The following MCPH1 variants were observed in gnomAD, a reference collection of about 807,000 sequenced individuals.
MCPH1 encodes microcephalin.
In MCPH1, 104 loss-of-function variants were observed where a neutral mutation model predicts 84.5. That is an observed-to-expected ratio of 1.23 (90% confidence interval 1.05 to 1.45). The LOEUF (loss-of-function observed/expected upper bound fraction) is 1.45, where lower values mean the gene tolerates loss of function less well. MCPH1 is among the 40% of genes most tolerant of loss of function. MCPH1 has a pLI of 0.00. For missense variants in MCPH1, 1,498 were observed against 1,005.7 expected (o/e 1.49, Z -6.62); for synonymous variants, 514 against 366.8 (o/e 1.40, Z -4.58).
intron 12 of MCPH1, among the ~76,000 whole-genome samples, chr8:6,550,706 C>T (rs945327167): frequency 4.6e-5 from 7 of 152,146 alleles, no homozygotes; most frequent in African/African-American, 1.7e-4. Flanking sequence ...TTGTAAGAGG[C>T]TCTGAAAGGA....
intron 12 of MCPH1, among the ~76,000 whole-genome samples, chr8:6,592,707 T>C (rs1191371460): frequency 4.0e-5 from 6 of 148,368 alleles, no homozygotes; most frequent in Non-Finnish European, 8.9e-5. Context: ...CAGGCTGAAG[T>C]GCAGTGGCGC....
At chr8:6,457,804 C>A (rs1267103474) in intron 9 of MCPH1, among the ~76,000 whole-genome samples, 3 of 152,132 alleles carry the variant, frequency 2.0e-5, no homozygotes, top group Non-Finnish European at 4.4e-5. Context: ...GCAGGATTTT[C>A]TTCCTAATCC....
intron 13 of MCPH1, among the ~76,000 whole-genome samples, chr8:6,628,354 C>A (rs752651736): frequency 6.6e-6 from 1 of 151,024 alleles, no homozygotes; most frequent in African/African-American, 2.4e-5. Flanking sequence ...GCCTGTAGTC[C>A]CAGCTACTCA....
At chr8:6,487,426 G>T (rs1001852658) in intron 11 of MCPH1, among the ~76,000 whole-genome samples, 1 of 152,134 alleles carries the variant, frequency 6.6e-6, no homozygotes, top group Non-Finnish European at 1.5e-5. Context: ...ATGCTGAGCC[G>T]CTCTCCTAAA....
intron 13 of MCPH1, among the ~76,000 whole-genome samples, chr8:6,627,588 A>C (rs1796835225): frequency 6.6e-6 from 1 of 152,222 alleles, no homozygotes; most frequent in African/African-American, 2.4e-5. Flanking sequence ...TGAGATGTTT[A>C]GGCTTTTAAA....
chr8:6,463,688 T>C (rs752647430), intron 9 of MCPH1, among the ~76,000 whole-genome samples: 36 of 152,322 alleles, frequency 2.4e-4, no homozygotes, highest in Non-Finnish European at 4.6e-4. Context: ...GGGACACAGA[T>C]GCCTTCCTGA....
At chr8:6,554,427 A>G (rs369601776) in intron 12 of MCPH1, among the ~76,000 whole-genome samples, 1 of 152,128 alleles carries the variant, frequency 6.6e-6, no homozygotes, top group Non-Finnish European at 1.5e-5. Context: ...TTGCTTCTCT[A>G]TGAGACATCG....
At chr8:6,423,915 TCTGA>T (rs1225277487) in intron 3 of MCPH1, among the ~76,000 whole-genome samples, 8 of 152,244 alleles carry the variant, frequency 5.3e-5, no homozygotes, top group African/African-American at 1.9e-4. Context: ...TTTGCATTTC[TCTGA>T]CTTTTAGTGA....
At chr8:6,412,290 T>G (rs1798649090) in intron 2 of MCPH1, among the ~76,000 whole-genome samples, 1 of 152,178 alleles carries the variant, frequency 6.6e-6, no homozygotes, top group African/African-American at 2.4e-5. Context: ...GAGGAGGAAC[T>G]ACTGTGAATA....
chr8:6,514,509 G>A (rs373881108), intron 12 of MCPH1, among the ~76,000 whole-genome samples: 4 of 152,152 alleles, frequency 2.6e-5, no homozygotes, highest in Admixed American at 6.6e-5. Context: ...TTTTGATACA[G>A]TTTACCTTAT....
chr8:6,484,999 C>G (rs989452534), intron 11 of MCPH1, among the ~76,000 whole-genome samples: 2 of 152,168 alleles, frequency 1.3e-5, no homozygotes, highest in African/African-American at 2.4e-5. Context: ...TATGCACACA[C>G]GAGTAAATCT....
At chr8:6,513,776 T>A (rs1205638127) in intron 12 of MCPH1, 12 of 1,613,980 alleles carry the variant, frequency 7.4e-6, no homozygotes, top group Non-Finnish European at 1.0e-5. Context: ...GCACATAGCG[T>A]TGCTGATTAG....
At chr8:6,411,841 A>T (rs541222245) in intron 2 of MCPH1, among the ~76,000 whole-genome samples, 1 of 152,166 alleles carries the variant, frequency 6.6e-6, no homozygotes, top group African/African-American at 2.4e-5. Context: ...GGACGCGGGC[A>T]TGTCTTAGAA....
intron 12 of MCPH1, among the ~76,000 whole-genome samples, chr8:6,591,923 A>G (rs1260323972): frequency 6.6e-6 from 1 of 152,174 alleles, no homozygotes; most frequent in African/African-American, 2.4e-5. Flanking sequence ...GTATGTTTAA[A>G]ATTTTTCAGA....
intron 2 of MCPH1, among the ~76,000 whole-genome samples, chr8:6,413,673 T>C (rs1798845234): frequency 6.6e-6 from 1 of 151,948 alleles, no homozygotes; most frequent in South Asian, 2.1e-4. Flanking sequence ...TTTACTTATG[T>C]CATCTTTTCT....
intron 13 of MCPH1, chr8:6,625,529 T>C: frequency 1.0e-6 from 1 of 976,094 alleles, no homozygotes; most frequent in South Asian, 4.8e-5. Flanking sequence ...AAGAAGTTAT[T>C]TTGTTTAAAT....
chr8:6,499,095 T>TAAAA (rs1811656705), intron 11 of MCPH1, among the ~76,000 whole-genome samples: 1 of 137,826 alleles, frequency 7.3e-6, no homozygotes, highest in Admixed American at 7.2e-5. Context: ...AATAAATAAA[T>TAAAA]AAATAAAATA....
intron 12 of MCPH1, among the ~76,000 whole-genome samples, chr8:6,592,149 GTTATTA>G (rs146085602): frequency 6.6e-6 from 1 of 151,476 alleles, no homozygotes; most frequent in Non-Finnish European, 1.5e-5. Flanking sequence ...TATCATTATG[GTTATTA>G]TTATTATTAT....
intron 5 of MCPH1, among the ~76,000 whole-genome samples, chr8:6,438,235 C>T (rs889726209): frequency 1.3e-5 from 2 of 152,052 alleles, no homozygotes; most frequent in Non-Finnish European, 2.9e-5. Context: ...AAATATGTAT[C>T]GTAATTAAAA....
Sources: gnomAD v4.1 joint callset for allele counts (sites outside exome capture counted in the v4.1 genomes callset) on GRCh38, gnomAD v4.1.1 for gene constraint, MANE v1.5 for transcripts, NCBI Gene and HGNC (gene_info 2026-07-23, HGNC 2026-07-21) for gene names.